The following MMP27 variants were observed in gnomAD, a reference collection of about 807,000 sequenced individuals.
The protein encoded by MMP27 is matrix metallopeptidase 27.
Under a neutral mutation model 48.1 loss-of-function variants are expected in MMP27, and 51 were observed. That is an observed-to-expected ratio of 1.06 (90% CI 0.85 to 1.34). MMP27 has a LOEUF of 1.34. Among genes scored for constraint, MMP27 ranks in the 40% most tolerant of loss-of-function variants. MMP27 has a pLI of 0.00. For missense variants in MMP27, 698 were observed against 619.3 expected (o/e 1.13, Z -1.35); for synonymous variants, 229 against 208.9 (o/e 1.10, Z -0.83).
chr11:102,702,919 C>T (rs944462823), intron 3 of MMP27, 38 bp from the exon 4 acceptor site: 2 of 1,611,770 alleles, frequency 1.2e-6, no homozygotes, highest in Admixed American at 3.4e-5. Context: ...AGATCAGCTT[C>T]CTCAAATCTC....
chr11:102,697,616 C>T (rs1239693367), intron 4 of MMP27, among the ~76,000 whole-genome samples: 1 of 152,044 alleles, frequency 6.6e-6, no homozygotes, highest in Non-Finnish European at 1.5e-5. Context: ...ATCCTCCTCC[C>T]TCAGCCTCCT....
intron 2 of MMP27, 103 bp downstream of exon 2, chr11:102,704,434 A>G: frequency 1.1e-6 from 1 of 893,268 alleles, no homozygotes; most frequent in Non-Finnish European, 1.8e-6. Context: ...TGTGCTGTGC[A>G]CACAGGAAGT....
chr11:102,698,666 A>T (rs1044938984), intron 4 of MMP27, among the ~76,000 whole-genome samples: 1 of 152,100 alleles, frequency 6.6e-6, no homozygotes, highest in Non-Finnish European at 1.5e-5. Context: ...TCTGCAAGCT[A>T]ACTATGTTAA....
At chr11:102,693,752 T>C (rs1860768802) in intron 8 of MMP27, among the ~76,000 whole-genome samples, 154 bp downstream of exon 8, 1 of 151,874 alleles carries the variant, frequency 6.6e-6, no homozygotes, top group Non-Finnish European at 1.5e-5. Flanking sequence ...AGCACTACAC[T>C]CTAGCCTGGG....
chr11:102,698,857 T>G (rs1342382199), intron 4 of MMP27, among the ~76,000 whole-genome samples: 3 of 152,160 alleles, frequency 2.0e-5, no homozygotes, highest in African/African-American at 7.2e-5. Context: ...CCAGGTCTTA[T>G]CCAGGTTGAG....
intron 2 of MMP27, among the ~76,000 whole-genome samples, chr11:102,704,264 G>A (rs1861002099): frequency 2.0e-5 from 3 of 152,326 alleles, no homozygotes; most frequent in Admixed American, 1.3e-4. Context: ...TGGTGGCAGA[G>A]GCTAGAGATG....
intron 5 of MMP27, 62 bp from the exon 6 acceptor site, chr11:102,696,553 AG>A: frequency 1.3e-6 from 2 of 1,599,804 alleles, no homozygotes; most frequent in Non-Finnish European, 1.7e-6. Flanking sequence ...TGCCTACACA[AG>A]GGTCTTACCT....
intron 4 of MMP27, among the ~76,000 whole-genome samples, chr11:102,697,419 G>A (rs2509245): frequency 0.41 from 62,332 of 152,034 alleles, 13,728 homozygotes; most frequent in East Asian, 0.61. Flanking sequence ...TATGTAGACT[G>A]TATAAACACT....
chr11:102,691,941 A>C lies in MMP27; in HGVS notation c.1367T>G (p.Ile456Ser). 6.2e-7 allele frequency: 1 copy of C among 1,613,314 alleles called. No individual in the cohort carries two copies. The highest frequency in any genetic ancestry group is 8.5e-7 in the Non-Finnish European group (1 of 1,179,634). Residue 456 changes from isoleucine to serine, a missense_variant, in exon 10 of 10, where the codon ATC (isoleucine) becomes AGC (serine). By Grantham distance (142) the Ile-to-Ser change is moderately radical (BLOSUM62 -2). Transcript: ENST00000260229. Reference protein sequence around the residue: ...YDIKTKNITRIMRTNTWFQCK... With the variant: ...YDIKTKNITRSMRTNTWFQCK... ...TTGAAACCAAGTATTAGTTCTCATG[A>C]TTCGGGTAATATTCTTTGTCTTAAT...
rs373051052 is a variant in MMP27, at chr11:102,702,748, C to A, written c.619+5G>T. The A allele has an allele frequency of 1.3e-5, 20 of 1,588,086 alleles. No homozygotes were observed. The highest frequency in any genetic ancestry group is 1.6e-5 in the Non-Finnish European group (19 of 1,172,722). On this transcript the variant is annotated splice_donor_5th_base_variant and intron_variant, in intron 4 of 9. Coordinates refer to ENST00000260229, the MANE Select transcript of MMP27 (RefSeq NM_022122.3). The stretch of plus-strand genomic sequence containing the variant: ...GATTTTGTTCATAAAGAAAATTAGA[C>A]TCACCTGCTCCATCCTTGGTCCAGT...
At position 102,704,786 on chromosome 11, in the gene MMP27, AGATAAG is replaced by A; in HGVS notation, c.103-17_103-12del. The stretch of plus-strand genomic sequence containing the variant: ...CTGGTTGAGATATGCCTGACCAAAA[AGATAAG>A]AAAAAAAAAAAAGAGGCACAGACTA... On this transcript the variant is annotated splice_polypyrimidine_tract_variant and intron_variant, in intron 1 of 9. Transcript: ENST00000260229. 6.5e-7 allele frequency: 1 copy of A among 1,544,146 alleles called. No homozygotes were observed.
intron 2 of MMP27, 68 bp from the exon 3 acceptor site, chr11:102,703,186 A>G (rs1860979512): frequency 4.2e-6 from 6 of 1,427,160 alleles, no homozygotes; most frequent in Non-Finnish European, 5.7e-6. Context: ...CATAACTACA[A>G]AAAACATTTC....
chr11:102,703,437 G>A (rs187808430), intron 2 of MMP27, among the ~76,000 whole-genome samples: 1 of 152,190 alleles, frequency 6.6e-6, no homozygotes, highest in Non-Finnish European at 1.5e-5. Flanking sequence ...GTATATGAAA[G>A]TATTATAAAG....
rs374493970 is a variant in MMP27 at position 102,705,738 on chromosome 11, C to T, written c.-24G>A. 1.7e-4 allele frequency: 253 copies of T among 1,522,350 alleles called. No individual in the cohort carries two copies. Among genetic ancestry groups the T allele is most frequent in the Non-Finnish European group, 1.7e-4 (187 of 1,108,902 alleles). 94.3% of individuals were successfully genotyped at this position (1,522,350 alleles called of 1,614,324 possible). ...ATTCCTCTCTTTCTTCAGCTGAAGC[C>T]GGTTCTGTTAGCACAGAATTTAGAA... On this transcript the variant is annotated 5_prime_UTR_variant, in exon 1 of 10. Transcript: ENST00000260229.
intron 4 of MMP27, among the ~76,000 whole-genome samples, 189 bp from the exon 5 acceptor site, chr11:102,697,024 A>C (rs1259858373): frequency 6.6e-6 from 1 of 152,176 alleles, no homozygotes; most frequent in Non-Finnish European, 1.5e-5. Context: ...AATGATATGG[A>C]TATGTTCTGA....
intron 9 of MMP27, among the ~76,000 whole-genome samples, chr11:102,692,662 C>T (rs1860746451): frequency 6.6e-6 from 1 of 152,108 alleles, no homozygotes; most frequent in South Asian, 2.1e-4. Flanking sequence ...TGTGCTTAGT[C>T]ACTTCGCACA....
Position 102,702,797 on chromosome 11 carries a change from T to C in MMP27, c.575A>G (p.Asp192Gly). 7 of 1,614,030 alleles carry C rather than the reference T, an allele frequency of 4.3e-6. No homozygotes were observed. Among genetic ancestry groups the C allele is most frequent in the South Asian group, 1.1e-5 (1 of 91,054 alleles). ...AFPPGPGLGG[D>G]THFDEDENWT... ...GTTTTCATCCTCATCAAAATGAGTG[T>C]CACCACCCAGACCCGGACCAGGAGG... is the stretch of plus-strand genomic sequence containing the variant. Residue 192 changes from aspartate to glycine, a missense_variant, in exon 4 of 10, where the codon GAC becomes GGC. Asp to Gly is a moderately conservative substitution (Grantham distance 94, BLOSUM62 -1). Coordinates refer to ENST00000260229, the MANE Select transcript of MMP27 (RefSeq NM_022122.3).
At chr11:102,701,822 T>A (rs976801439) in intron 4 of MMP27, among the ~76,000 whole-genome samples, 1 of 152,232 alleles carries the variant, frequency 6.6e-6, no homozygotes, top group Non-Finnish European at 1.5e-5. Context: ...CCATTTTGTG[T>A]GACAGACTTT....
At chr11:102,703,416 C>T (rs4754870) in intron 2 of MMP27, among the ~76,000 whole-genome samples, 18,876 of 152,108 alleles carry the variant, frequency 0.12, 1,519 homozygotes, top group East Asian at 0.26. Flanking sequence ...ATCTCATGTA[C>T]GTGTTGGCTT....
Sources: allele counts gnomAD v4.1 joint callset (sites outside exome capture counted in the v4.1 genomes callset), GRCh38; gene constraint gnomAD v4.1.1; transcripts MANE v1.5; gene names NCBI Gene and HGNC (gene_info 2026-07-23, HGNC 2026-07-21).